USP8: variants seen among roughly 807,000 people sequenced by gnomAD.
USP8 encodes ubiquitin carboxyl-terminal hydrolase 8.
A neutral mutation model predicts 130.0 loss-of-function variants in USP8; 27 were observed. The observed-to-expected ratio is 0.21, with a 90% confidence interval of 0.15 to 0.29. USP8 has a LOEUF of 0.29. Among genes scored for constraint, USP8 ranks in the 10% least tolerant of loss-of-function variants. USP8 has a pLI of 1.00. For synonymous variants in USP8, 392 were observed against 444.1 expected (o/e 0.88, Z 1.48); for missense variants, 1,029 against 1,312.2 (o/e 0.78, Z 3.33).
Position 50,471,901 on chromosome 15 carries a change from CCT to C in USP8, c.849+107_849+108del. Reference sequence around the variant, plus strand: ...CTTAAATACTAAAAGATTCATCATGCCTTTTTTTTTTTTTTTTGAGACTGAGT... The same window carrying C: ...CTTAAATACTAAAAGATTCATCATGCTTTTTTTTTTTTTTTGAGACTGAGT... On this transcript the variant is annotated intron_variant, in intron 8 of 19. Transcript: ENST00000307179. 7 of 1,159,870 alleles carry C rather than the reference CCT, an allele frequency of 6.0e-6. No homozygotes were observed. In the East Asian group the frequency reaches 7.9e-5, roughly 13 times the overall value. The allele number at this position is 1,159,870 out of a possible 1,614,324, so 71.8% of individuals were successfully genotyped here.
chr15:50,486,203 A>G (rs2051955393), intron 12 of USP8, among the ~76,000 whole-genome samples: 1 of 152,064 alleles, frequency 6.6e-6, no homozygotes, highest in Non-Finnish European at 1.5e-5. Flanking sequence ...AGGGGGAAAA[A>G]AGGGTATGGT....
At position 50,499,388 on chromosome 15, in the gene USP8, C is replaced by CT. The variant is rs36042420; in HGVS notation, c.*310dup. 425 of 197,588 alleles carry CT rather than the reference C, an allele frequency of 2.2e-3. No individual in the cohort carries two copies. Among genetic ancestry groups the CT allele is most frequent in the Middle Eastern group, 4.0e-3 (2 of 506 alleles). The allele number at this position is 197,588 out of a possible 1,614,324, so 12.2% of individuals were successfully genotyped here. On this transcript the variant is annotated 3_prime_UTR_variant, in exon 20 of 20. Coordinates refer to ENST00000307179, the MANE Select transcript of USP8 (RefSeq NM_005154.5). ...CGACTGGTCTAAAAACTATTGTTAT[C>CT]TTTTTTTTTTCCTTTTCACTGTTAT...
intron 1 of USP8, among the ~76,000 whole-genome samples, chr15:50,437,268 C>G (rs1595902165): frequency 6.6e-6 from 1 of 152,316 alleles, no homozygotes; most frequent in Middle Eastern, 3.4e-3. Flanking sequence ...TGCTGTACCC[C>G]TGAAGCTCCT....
In USP8 at chr15:50,459,097, G is replaced by A. The variant is rs761871009; in HGVS notation, c.433G>A (p.Asp145Asn). The change falls in exon 5 of 20, where the codon GAT (aspartate) becomes AAT (asparagine). Residue 145 changes from aspartate (D) to asparagine (N), a missense_variant. Around this residue, in one of 4 missense-constraint regions of USP8, gnomAD observed 281 missense variants for 336.7 expected, o/e 0.83. Transcript: ENST00000307179. Reference sequence around the variant, plus strand: ...AAAAAGGCAGGAAACAGGAAGAGAGGATGGTGGCACATTGGCTAAAGGCTC... The same window carrying A: ...AAAAAGGCAGGAAACAGGAAGAGAGAATGGTGGCACATTGGCTAAAGGCTC... ...QQKRQETGRE[D>N]GGTLAKGSLE... The A allele has an allele frequency of 6.2e-7, 1 of 1,614,130 alleles. No individual in the cohort carries two copies. The highest frequency in any genetic ancestry group is 8.5e-7 in the Non-Finnish European group (1 of 1,180,026).
At position 50,481,988 on chromosome 15, in the gene USP8, C is replaced by T. The variant is rs755591528; in HGVS notation, c.1726C>T (p.Pro576Ser). The change falls in exon 11 of 20, where the codon CCA becomes TCA. Residue 576 changes from proline (P) to serine (S), a missense_variant. Transcript: ENST00000307179. ...TGTAGAAGATAGGGGGAAAAGGTGT[C>T]CAACCCCAGAAATACAGAAAAAGTC... ...KSVEDRGKRC[P>S]TPEIQKKSTG... 4.4e-6 allele frequency: 7 copies of T among 1,589,482 alleles called. No individual in the cohort carries two copies. The highest frequency in any genetic ancestry group is 5.1e-6 in the Non-Finnish European group (6 of 1,173,250).
intron 7 of USP8, among the ~76,000 whole-genome samples, chr15:50,467,849 AC>A (rs1236960346): frequency 1.3e-5 from 2 of 151,164 alleles, no homozygotes; most frequent in South Asian, 2.1e-4. Context: ...GAGCCATTGC[AC>A]CCGGCCTATC....
chr15:50,500,741 C>T lies in USP8; in HGVS notation c.*1653C>T. ...TTTTGAACAGAAGTATCTGGAATCT[C>T]ACTGACTCGTGTGTTATCAAAGCTA... On this transcript the variant is annotated 3_prime_UTR_variant, in exon 20 of 20. Coordinates refer to ENST00000307179, the MANE Select transcript of USP8 (RefSeq NM_005154.5). 1 of 1,567,172 alleles carries T rather than the reference C, an allele frequency of 6.4e-7. No homozygotes were observed. Among genetic ancestry groups the T allele is most frequent in the Non-Finnish European group, 8.7e-7 (1 of 1,154,130 alleles).
chr15:50,503,747 A>G lies in USP8; in HGVS notation c.*4659A>G, dbSNP rs919708336. 1 of 152,230 alleles carries G rather than the reference A, an allele frequency of 6.6e-6. No individual in the cohort carries two copies. The highest frequency in any genetic ancestry group is 1.5e-5 in the Non-Finnish European group (1 of 68,050). 9.4% of individuals were successfully genotyped at this position (152,230 alleles called of 1,614,324 possible). On this transcript the variant is annotated 3_prime_UTR_variant, in exon 20 of 20. Coordinates refer to ENST00000307179, the MANE Select transcript of USP8 (RefSeq NM_005154.5). ...ATTTCTAGGGCAGTTGCCAGAAGGA[A>G]ACAGAATTTCTAGATTGTTGCATGT...
At position 50,488,996 on chromosome 15, in the gene USP8, A is replaced by G. The variant is rs143666015; in HGVS notation, c.1891-805A>G. Among the ~76,000 whole-genome samples, 698 of 152,268 alleles carry G rather than the reference A, an allele frequency of 4.6e-3. 7 individuals are homozygous for G. The highest frequency in any genetic ancestry group is 0.016 in the African/African-American group (656 of 41,546). Reference sequence around the variant, plus strand: ...CCTCGCAAAGTGCTGGATTACAGGCATGAGCCACCCTGCCTGGCCTAGAAT... The same window carrying G: ...CCTCGCAAAGTGCTGGATTACAGGCGTGAGCCACCCTGCCTGGCCTAGAAT... On this transcript the variant is annotated intron_variant, in intron 12 of 19. Coordinates refer to ENST00000307179, the MANE Select transcript of USP8 (RefSeq NM_005154.5).
chr15:50,481,324 T>C (rs2051759915), intron 10 of USP8, among the ~76,000 whole-genome samples, 157 bp from the exon 11 acceptor site: 1 of 152,210 alleles, frequency 6.6e-6, no homozygotes. Context: ...AAGTTCTGTT[T>C]TATGAGAAAT....
At chr15:50,471,484 T>C (rs1319792529) in intron 7 of USP8, 149 bp from the exon 8 acceptor site, 5 of 741,566 alleles carry the variant, frequency 6.7e-6, no homozygotes, top group African/African-American at 1.8e-5. Flanking sequence ...CTGTTTAATA[T>C]CTTAATATAT....
intron 17 of USP8, 76 bp from the exon 18 acceptor site, chr15:50,497,013 C>G (rs2052441646): frequency 6.6e-7 from 1 of 1,512,720 alleles, no homozygotes; most frequent in Non-Finnish European, 8.8e-7. Flanking sequence ...TGCAGAGTGA[C>G]TAACTAAATA....
At chr15:50,467,691 G>C (rs1377073481) in intron 7 of USP8, among the ~76,000 whole-genome samples, 1 of 152,000 alleles carries the variant, frequency 6.6e-6, no homozygotes, top group Non-Finnish European at 1.5e-5. Flanking sequence ...GGGTAGCTGG[G>C]AATACAGGCA....
At chr15:50,431,152 AGTGTGTGTGCCTCTGTGTGTGTGTGTGT>A (rs906325405) in intron 1 of USP8, among the ~76,000 whole-genome samples, 8 of 32,956 alleles carry the variant, frequency 2.4e-4, no homozygotes, top group South Asian at 1.6e-3. Flanking sequence ...TGCAGGGTAC[AGTGTGTGTGCCTCTGTGTGTGTGTGTGT>A]GTGTGTGTGT....
intron 5 of USP8, among the ~76,000 whole-genome samples, chr15:50,460,246 C>T (rs2050943365): frequency 6.7e-6 from 1 of 150,320 alleles, no homozygotes; most frequent in South Asian, 2.1e-4. Flanking sequence ...GATCTGCCTG[C>T]CTCAGCCTTC....
At chr15:50,467,142 ATATATTAGAG>A (rs2051219551) in intron 7 of USP8, 1 of 305,996 alleles carries the variant, frequency 3.3e-6, no homozygotes, top group South Asian at 6.0e-5. Flanking sequence ...TTAAAAATAT[ATATATTAGAG>A]TACTCAGTCT....
chr15:50,426,562 A>G (rs1056078145), intron 1 of USP8, among the ~76,000 whole-genome samples: 4 of 152,220 alleles, frequency 2.6e-5, no homozygotes, highest in Non-Finnish European at 5.9e-5. Flanking sequence ...GACATCCAAA[A>G]TGGCTAATTC....
At chr15:50,453,400 C>T (rs568793475) in intron 4 of USP8, among the ~76,000 whole-genome samples, 37 of 152,148 alleles carry the variant, frequency 2.4e-4, no homozygotes, top group African/African-American at 8.4e-4. Flanking sequence ...CTTCCTTGAC[C>T]CATGGGTCAT....
At chr15:50,455,026 CTCCA>C (rs2050749029) in intron 4 of USP8, among the ~76,000 whole-genome samples, 1 of 143,248 alleles carries the variant, frequency 7.0e-6, no homozygotes, top group Non-Finnish European at 1.6e-5. Context: ...ACTTTGTCAT[CTCCA>C]ATTTTGTGTT....
Sources: gnomAD v4.1 joint callset for allele counts (sites outside exome capture counted in the v4.1 genomes callset) on GRCh38, gnomAD v4.1.1 for gene constraint, gnomAD v4.1.1 regional missense constraint, MANE v1.5 for transcripts, NCBI Gene and HGNC (gene_info 2026-07-23, HGNC 2026-07-21) for gene names.